Variants in ITPR1 observed in about 807,000 individuals in gnomAD.
ITPR1 encodes inositol 1,4,5-trisphosphate receptor type 1, also known as inositol 1,4,5-trisphosphate-gated calcium channel ITPR1.
In ITPR1, 96 loss-of-function variants were observed where a neutral mutation model predicts 318.4. The ratio of observed to expected loss-of-function variants is 0.30; its 90% confidence interval spans 0.26 to 0.36. ITPR1 has a LOEUF of 0.36. ITPR1 is among the 10% of genes least tolerant of loss of function. The probability of loss-of-function intolerance (pLI) is 1.00; values close to 1 mark genes in which losing one functional copy is unlikely to be tolerated. For missense variants in ITPR1, 2,440 were observed against 3,460.2 expected, an observed-to-expected ratio of 0.71 and a Z score of 7.40; for synonymous variants, 1,312 against 1,289.9, an observed-to-expected ratio of 1.02 and a Z score of -0.37.
chr3:4,614,001 T>TGCTG (rs1456417890), intron 4 of ITPR1, among the ~76,000 whole-genome samples: 2 of 152,194 alleles, frequency 1.3e-5, no homozygotes, highest in Admixed American at 1.3e-4. Flanking sequence ...ACTGTTTTAA[T>TGCTG]GCTGTCACTC....
intron 5 of ITPR1, among the ~76,000 whole-genome samples, chr3:4,630,542 T>TC (rs397802126): frequency 2.0e-5 from 3 of 146,526 alleles, no homozygotes; most frequent in Admixed American, 1.4e-4. Flanking sequence ...GTTTTTTTTT[T>TC]ACTATTTTAA....
In ITPR1 at chr3:4,768,670, A is replaced by G. The variant is rs759046469; in HGVS notation, c.5885A>G (p.Lys1962Arg). The G allele has an allele frequency of 3.1e-5, 50 of 1,613,848 alleles. No individual in the cohort carries two copies. The highest frequency in any genetic ancestry group is 3.7e-5 in the Non-Finnish European group (44 of 1,179,898). The change falls in exon 46 of 62, where the codon AAG (lysine) becomes AGG (arginine). Residue 1962 changes from lysine (K) to arginine (R), a missense_variant. Physicochemically the swap from Lys to Arg is conservative, Grantham distance 26. Transcript: ENST00000649015. ...ACCCAGGCCACTGCCGACAAGGCCA[A>G]GGACGACCTGGAGATGAGCGCGGTC... ...EGTQATADKA[K>R]DDLEMSAVIT... is the part of the protein sequence containing the mutation.
At chr3:4,502,746 C>T (rs963316237) in intron 2 of ITPR1, among the ~76,000 whole-genome samples, 1 of 151,940 alleles carries the variant, frequency 6.6e-6, no homozygotes, top group Non-Finnish European at 1.5e-5. Flanking sequence ...GCCCCTGTAC[C>T]CCTCTCCTGA....
intron 16 of ITPR1, 148 bp from the exon 17 acceptor site, chr3:4,664,990 G>A: frequency 2.6e-6 from 2 of 764,196 alleles, no homozygotes; most frequent in Non-Finnish European, 4.4e-6. Flanking sequence ...TTGATGGGCT[G>A]AATGCAGTGT....
At chr3:4,809,985 A>T (rs2048833397) in intron 55 of ITPR1, among the ~76,000 whole-genome samples, 1 of 152,192 alleles carries the variant, frequency 6.6e-6, no homozygotes, top group South Asian at 2.1e-4. Context: ...TAGTCTCAGA[A>T]CACAGATTGG....
At chr3:4,663,251 C>A in intron 16 of ITPR1, 45 bp downstream of exon 16, 1 of 1,561,934 alleles carries the variant, frequency 6.4e-7, no homozygotes, top group South Asian at 1.2e-5. Context: ...TATGAGAAAT[C>A]ATAAAGCATG....
At chr3:4,686,275 C>G (rs1196568384) in intron 30 of ITPR1, among the ~76,000 whole-genome samples, 1 of 152,184 alleles carries the variant, frequency 6.6e-6, no homozygotes, top group Non-Finnish European at 1.5e-5. Flanking sequence ...TGAAAGGATC[C>G]TCCTCCTCAG....
chr3:4,650,642 T>TGC (rs1261417479), intron 10 of ITPR1, among the ~76,000 whole-genome samples: 5 of 134,054 alleles, frequency 3.7e-5, no homozygotes, highest in African/African-American at 1.7e-4. Flanking sequence ...TGTGTGTGTG[T>TGC]GTGCGCGCGT....
intron 60 of ITPR1, chr3:4,825,828 G>A (rs1278770120): frequency 2.2e-6 from 1 of 456,880 alleles, no homozygotes; most frequent in Admixed American, 2.3e-5. Context: ...GCAACGCAAG[G>A]AACCAAGTGC....
chr3:4,843,172 G>A (rs1197618023), intron 61 of ITPR1, among the ~76,000 whole-genome samples: 1 of 142,060 alleles, frequency 7.0e-6, no homozygotes, highest in African/African-American at 2.6e-5. Context: ...TTCTCCTTTA[G>A]CAGTCACTTA....
intron 26 of ITPR1, among the ~76,000 whole-genome samples, 193 bp downstream of exon 26, chr3:4,681,611 G>A (rs1272743384): frequency 8.8e-6 from 1 of 113,414 alleles, no homozygotes; most frequent in Non-Finnish European, 1.8e-5. Flanking sequence ...GAGTGAGAGA[G>A]AGAGAGAGAG....
intron 53 of ITPR1, among the ~76,000 whole-genome samples, chr3:4,799,215 T>A (rs1047655148): frequency 2.0e-5 from 3 of 152,238 alleles, no homozygotes; most frequent in Admixed American, 2.0e-4. Flanking sequence ...GACAGTAGGA[T>A]GAATAAATGA....
chr3:4,502,177 C>T (rs564887138), intron 2 of ITPR1, among the ~76,000 whole-genome samples: 18 of 152,266 alleles, frequency 1.2e-4, no homozygotes, highest in African/African-American at 4.3e-4. Context: ...CCCTCCCCAC[C>T]CCCGTCTGTC....
intron 4 of ITPR1, among the ~76,000 whole-genome samples, chr3:4,525,626 C>G (rs2082918035): frequency 6.6e-6 from 1 of 152,174 alleles, no homozygotes; most frequent in South Asian, 2.1e-4. Context: ...TAGAATAATA[C>G]AGCAACTTTA....
At chr3:4,673,767 A>G (rs1574796635) in intron 21 of ITPR1, among the ~76,000 whole-genome samples, 1 of 152,186 alleles carries the variant, frequency 6.6e-6, no homozygotes, top group African/African-American at 2.4e-5. Flanking sequence ...TATTTTTAGT[A>G]GGGACGGGGT....
At chr3:4,787,080 G>T (rs6809847) in intron 51 of ITPR1, among the ~76,000 whole-genome samples, 1 of 151,912 alleles carries the variant, frequency 6.6e-6, no homozygotes, top group Non-Finnish European at 1.5e-5. Flanking sequence ...ACTAGCCACA[G>T]GTGTTAGTGA....
intron 46 of ITPR1, among the ~76,000 whole-genome samples, chr3:4,774,810 C>A (rs370865458): frequency 8.1e-4 from 124 of 152,340 alleles, no homozygotes; most frequent in African/African-American, 2.9e-3. Context: ...GGTGAACTGT[C>A]CCTAGTGCTG....
chr3:4,664,219 A>G (rs1390035972), intron 16 of ITPR1, among the ~76,000 whole-genome samples: 3 of 152,236 alleles, frequency 2.0e-5, no homozygotes, highest in African/African-American at 7.2e-5. Context: ...ATCTTTCCGT[A>G]AAGAATGAGT....
rs1487180289 is a variant in ITPR1 at position 4,683,465 on chromosome 3, G to A, written c.3241G>A (p.Asp1081Asn). ...TGTCCTGCTCCACTTGACGATGCAT[G>A]ACTACCCACCCCTGGTGTCAGGGGC... Reference protein sequence around the residue: ...LRVLLHLTMHDYPPLVSGALQ... With the variant: ...LRVLLHLTMHNYPPLVSGALQ... The change falls in exon 27 of 62, where the codon GAC becomes AAC. Residue 1081 changes from aspartate (D) to asparagine (N), a missense_variant. Coordinates refer to ENST00000649015, the MANE Select transcript of ITPR1 (RefSeq NM_001378452.1). The A allele has an allele frequency of 1.2e-6, 2 of 1,613,928 alleles. No homozygotes were observed. The highest frequency in any genetic ancestry group is 8.5e-7 in the Non-Finnish European group (1 of 1,179,900).
Sources: gnomAD v4.1 joint callset for allele counts (sites outside exome capture counted in the v4.1 genomes callset) on GRCh38, gnomAD v4.1.1 for gene constraint, MANE v1.5 for transcripts, NCBI Gene and HGNC (gene_info 2026-07-23, HGNC 2026-07-21) for gene names.